The following GRM8 variants were observed in gnomAD, a reference collection of about 807,000 sequenced individuals.
GRM8 encodes metabotropic glutamate receptor 8.
Under a neutral mutation model 87.2 loss-of-function variants are expected in GRM8, and 47 were observed. The observed-to-expected ratio is 0.54, with a 90% CI of 0.43 to 0.69. The LOEUF is 0.69. Among genes scored for constraint, GRM8 ranks in the 30% least tolerant of loss-of-function variants. GRM8 has a pLI of 0.00. For missense variants in GRM8, 1,019 were observed against 1,139.2 expected (o/e 0.89, Z 1.52); for synonymous variants, 396 against 404.5 (o/e 0.98, Z 0.25).
At chr7:127,164,692 C>T (rs542276302) in intron 2 of GRM8, among the ~76,000 whole-genome samples, 7 of 152,132 alleles carry the variant, frequency 4.6e-5, no homozygotes, top group Admixed American at 1.3e-4. Flanking sequence ...GCAGCTTTTC[C>T]TCACACTATC....
rs74932448 is a variant in GRM8, at chr7:126,974,340, C to T, written c.728-69657G>A. ...TGCGTTAAATAAGTAGATTTAGTTG[C>T]CTGCTTTTGTCATCAAAAAAGTAAC... On this transcript the variant is annotated intron_variant, in intron 3 of 10. Coordinates refer to ENST00000339582, the MANE Select transcript of GRM8 (RefSeq NM_000845.3). 9.5e-4 allele frequency among the ~76,000 whole-genome samples: 144 copies of T among 152,154 alleles called. 3 individuals carry two copies. The East Asian group carries it at 0.023, about 25-fold the overall frequency.
At chr7:126,958,362 C>A (rs1808953410) in intron 3 of GRM8, among the ~76,000 whole-genome samples, 1 of 152,198 alleles carries the variant, frequency 6.6e-6, no homozygotes, top group African/African-American at 2.4e-5. Context: ...GCCAGGGGCT[C>A]TGCAGTTCCT....
intron 8 of GRM8, among the ~76,000 whole-genome samples, chr7:126,608,186 T>C (rs1798557034): frequency 6.6e-6 from 1 of 150,708 alleles, no homozygotes; most frequent in African/African-American, 2.4e-5. Context: ...GCCTCCCTTA[T>C]CCATCAAGTT....
chr7:127,094,522 G>C (rs1257441466), intron 3 of GRM8, among the ~76,000 whole-genome samples: 1 of 152,214 alleles, frequency 6.6e-6, no homozygotes, highest in Non-Finnish European at 1.5e-5. Flanking sequence ...AGAGATTGAA[G>C]TGATGCTTCT....
chr7:126,887,374 A>C (rs192699599), intron 6 of GRM8, among the ~76,000 whole-genome samples: 2 of 152,242 alleles, frequency 1.3e-5, no homozygotes, highest in African/African-American at 2.4e-5. Flanking sequence ...TCAAGGAAAA[A>C]GATTTTTGGC....
At chr7:126,847,828 T>C (rs1314315877) in intron 6 of GRM8, among the ~76,000 whole-genome samples, 1 of 152,182 alleles carries the variant, frequency 6.6e-6, no homozygotes, top group East Asian at 1.9e-4. Flanking sequence ...GTATCAACTG[T>C]ATGTTGCATG....
chr7:126,954,213 T>A (rs1808453247), intron 3 of GRM8, among the ~76,000 whole-genome samples: 1 of 152,150 alleles, frequency 6.6e-6, no homozygotes, highest in Non-Finnish European at 1.5e-5. Context: ...AAAGGCAAAC[T>A]TCCTTGGAAG....
At chr7:126,539,235 C>T (rs1816243703) in intron 8 of GRM8, among the ~76,000 whole-genome samples, 1 of 150,742 alleles carries the variant, frequency 6.6e-6, no homozygotes, top group African/African-American at 2.4e-5. Flanking sequence ...GTAAAAGAAG[C>T]ACATGACTTA....
chr7:127,162,198 C>T (rs1793159979), intron 2 of GRM8, among the ~76,000 whole-genome samples: 6 of 152,200 alleles, frequency 3.9e-5, no homozygotes, highest in Admixed American at 3.9e-4. Context: ...GCCCTGGGGC[C>T]TTCCAGGCCA....
chr7:127,125,624 CTTAA>C (rs1053423269), intron 2 of GRM8, among the ~76,000 whole-genome samples: 2 of 151,792 alleles, frequency 1.3e-5, no homozygotes, highest in African/African-American at 2.4e-5. Flanking sequence ...TAAATGAGTA[CTTAA>C]TTAAACTAAA....
At chr7:127,077,739 T>G (rs993789125) in intron 3 of GRM8, among the ~76,000 whole-genome samples, 1 of 152,214 alleles carries the variant, frequency 6.6e-6, no homozygotes, top group African/African-American at 2.4e-5. Context: ...TTTTACCATC[T>G]TCTTAACTTA....
At chr7:126,548,317 TA>T (rs77033466) in intron 8 of GRM8, among the ~76,000 whole-genome samples, 51,027 of 143,402 alleles carry the variant, frequency 0.36, 8,936 homozygotes, top group South Asian at 0.48. Flanking sequence ...AGTATAATAA[TA>T]AAAAAAAAAA....
At chr7:126,848,856 C>T (rs1004198883) in intron 6 of GRM8, among the ~76,000 whole-genome samples, 2 of 152,044 alleles carry the variant, frequency 1.3e-5, no homozygotes. Context: ...AAGACATACC[C>T]AAGACTGGGC....
chr7:126,541,888 G>A (rs1816585985), intron 8 of GRM8, among the ~76,000 whole-genome samples: 1 of 152,188 alleles, frequency 6.6e-6, no homozygotes, highest in Non-Finnish European at 1.5e-5. Context: ...TTCATATGTT[G>A]AAGTCTTATC....
At chr7:126,663,843 C>A (rs1805475479) in intron 7 of GRM8, among the ~76,000 whole-genome samples, 1 of 152,034 alleles carries the variant, frequency 6.6e-6, no homozygotes, top group Non-Finnish European at 1.5e-5. Context: ...GAAAATACAT[C>A]ATCAAATTAT....
chr7:126,756,197 C>A (rs1816989851), intron 7 of GRM8, among the ~76,000 whole-genome samples: 1 of 151,888 alleles, frequency 6.6e-6, no homozygotes, highest in Non-Finnish European at 1.5e-5. Context: ...AACAACTGGA[C>A]AACCCCATGC....
At chr7:126,961,886 G>A (rs1809361662) in intron 3 of GRM8, among the ~76,000 whole-genome samples, 1 of 152,120 alleles carries the variant, frequency 6.6e-6, no homozygotes, top group Non-Finnish European at 1.5e-5. Flanking sequence ...CAACTGTACT[G>A]GTTCTAAGTA....
At chr7:126,653,371 G>A (rs1280404934) in intron 7 of GRM8, among the ~76,000 whole-genome samples, 5 of 151,464 alleles carry the variant, frequency 3.3e-5, no homozygotes, top group Non-Finnish European at 5.9e-5. Flanking sequence ...CAATTAGGGG[G>A]ATTCATTCAA....
At chr7:127,118,746 C>A (rs1011889750) in intron 2 of GRM8, among the ~76,000 whole-genome samples, 1 of 152,212 alleles carries the variant, frequency 6.6e-6, no homozygotes, top group Non-Finnish European at 1.5e-5. Flanking sequence ...CCTCTACTCT[C>A]CGCTACTTTG....
Sources: gnomAD v4.1 joint callset for allele counts (sites outside exome capture counted in the v4.1 genomes callset) on GRCh38, gnomAD v4.1.1 for gene constraint, MANE v1.5 for transcripts, NCBI Gene and HGNC (gene_info 2026-07-23, HGNC 2026-07-21) for gene names.